Variants in TBC1D5 observed in about 807,000 individuals in gnomAD.
TBC1D5 encodes TBC1 domain family, member 5.
A neutral mutation model predicts 100.3 loss-of-function variants in TBC1D5; 75 were observed. The observed-to-expected ratio is 0.75, with a 90% confidence interval of 0.62 to 0.91. The LOEUF is 0.91. Ranked by LOEUF, TBC1D5 falls within the 40% of genes least tolerant of loss-of-function variation. The pLI is 0.00. For synonymous variants in TBC1D5, 323 were observed against 325.6 expected (o/e 0.99, Z 0.09); for missense variants, 910 against 942.4 (o/e 0.97, Z 0.45).
At chr3:17,367,161 T>C (rs1454619550) in intron 13 of TBC1D5, among the ~76,000 whole-genome samples, 4 of 152,320 alleles carry the variant, frequency 2.6e-5, no homozygotes, top group Non-Finnish European at 5.9e-5. Context: ...TTAAAAGTGA[T>C]AATAAAACAG....
At chr3:17,701,382 G>A (rs1389699769) in intron 1 of TBC1D5, among the ~76,000 whole-genome samples, 4 of 152,108 alleles carry the variant, frequency 2.6e-5, no homozygotes, top group Admixed American at 6.5e-5. Flanking sequence ...TGTAAATGAC[G>A]AGCTGATGGG....
chr3:17,258,250 T>C (rs1250605385), intron 16 of TBC1D5, among the ~76,000 whole-genome samples: 2 of 152,170 alleles, frequency 1.3e-5, no homozygotes, highest in Admixed American at 6.5e-5. Context: ...TGCAAGTTTA[T>C]TCATGTTAGA....
intron 16 of TBC1D5, among the ~76,000 whole-genome samples, chr3:17,243,420 C>T (rs761290988): frequency 1.6e-4 from 24 of 151,990 alleles, no homozygotes; most frequent in South Asian, 6.2e-4. Context: ...GTGACAGATA[C>T]GCTAATTATT....
intron 1 of TBC1D5, among the ~76,000 whole-genome samples, chr3:17,686,780 C>T (rs1304160152): frequency 6.6e-6 from 1 of 152,068 alleles, no homozygotes. Flanking sequence ...TTTGGCAATG[C>T]GTGGAGGCAT....
In TBC1D5 at chr3:17,403,115, T is replaced by C. The variant is rs183115801; in HGVS notation, c.509+66A>G. On this transcript the variant is annotated intron_variant, in intron 8 of 21. Transcript: ENST00000253692. ...AGTTGACTGCAGATTTTGTGTTTTG[T>C]TAAAATTAGAAAGAGATAACAACAA... 7 of 1,381,388 alleles carry C rather than the reference T, an allele frequency of 5.1e-6. No homozygotes were observed. In the East Asian group the frequency reaches 1.8e-4, roughly 36 times the overall value. The allele number at this position is 1,381,388 out of a possible 1,614,324, so 85.6% of individuals were successfully genotyped here.
intron 1 of TBC1D5, among the ~76,000 whole-genome samples, chr3:17,713,669 T>A (rs763814007): frequency 1.3e-5 from 2 of 151,298 alleles, no homozygotes; most frequent in African/African-American, 4.9e-5. Context: ...TATAAAGAAC[T>A]CTTAAAATTC....
intron 15 of TBC1D5, among the ~76,000 whole-genome samples, chr3:17,274,567 T>C (rs112223298): frequency 0.012 from 1,767 of 152,304 alleles, 34 homozygotes; most frequent in African/African-American, 0.04. Flanking sequence ...GCTGGAAAGA[T>C]GAGGGTTTAC....
At chr3:17,677,037 T>A (rs143322683) in intron 1 of TBC1D5, among the ~76,000 whole-genome samples, 86,738 of 151,688 alleles carry the variant, frequency 0.57, 25,611 homozygotes, top group East Asian at 0.99. Flanking sequence ...TAGACCTAAA[T>A]CCATAAAAAC....
At chr3:17,665,818 T>G (rs868837459) in intron 1 of TBC1D5, among the ~76,000 whole-genome samples, 1 of 152,240 alleles carries the variant, frequency 6.6e-6, no homozygotes. Flanking sequence ...TTATTTCCCC[T>G]AGCTCCAATT....
At chr3:17,676,792 A>C (rs1252339500) in intron 1 of TBC1D5, among the ~76,000 whole-genome samples, 1 of 152,230 alleles carries the variant, frequency 6.6e-6, no homozygotes, top group Non-Finnish European at 1.5e-5. Flanking sequence ...TGGTACTGGT[A>C]CCAAAACAGA....
rs2063733914 is a variant in TBC1D5 at position 17,634,415 on chromosome 3, C to T, written c.-100-10502G>A. Among the ~76,000 whole-genome samples, 4 of 152,086 alleles carry T rather than the reference C, an allele frequency of 2.6e-5. No homozygotes were observed. In the South Asian group the frequency reaches 8.3e-4, roughly 32 times the overall value. Reference sequence around the variant, plus strand: ...CCACAAAAAAAGAATGAGATCCTATCATCTGGAACAACATGGGTGGAACTG... The same window carrying T: ...CCACAAAAAAAGAATGAGATCCTATTATCTGGAACAACATGGGTGGAACTG... On this transcript the variant is annotated intron_variant, in intron 1 of 21. Transcript: ENST00000253692.
At chr3:17,312,645 C>G (rs1343568449) in intron 13 of TBC1D5, among the ~76,000 whole-genome samples, 1 of 152,176 alleles carries the variant, frequency 6.6e-6, no homozygotes, top group Non-Finnish European at 1.5e-5. Context: ...GGAAAATTCT[C>G]TCTTCCTTTC....
intron 1 of TBC1D5, among the ~76,000 whole-genome samples, chr3:17,646,628 T>C (rs1366351502): frequency 6.6e-6 from 1 of 152,150 alleles, no homozygotes; most frequent in African/African-American, 2.4e-5. Flanking sequence ...ATCATGCCCC[T>C]GGACTAATGT....
At chr3:17,585,008 C>T (rs892054130) in intron 2 of TBC1D5, among the ~76,000 whole-genome samples, 1 of 152,020 alleles carries the variant, frequency 6.6e-6, no homozygotes, top group Non-Finnish European at 1.5e-5. Context: ...CTAGACTGGT[C>T]TCCAACTCTT....
At chr3:17,404,457 C>T (rs371735800) in intron 7 of TBC1D5, among the ~76,000 whole-genome samples, 1 of 152,018 alleles carries the variant, frequency 6.6e-6, no homozygotes, top group Non-Finnish European at 1.5e-5. Context: ...TTAGTTCTTA[C>T]AGAATCCCGA....
intron 16 of TBC1D5, among the ~76,000 whole-genome samples, chr3:17,245,527 G>A (rs148140953): frequency 3.0e-4 from 45 of 152,226 alleles, no homozygotes; most frequent in African/African-American, 9.9e-4. Context: ...GCAAACTTTC[G>A]TCTATATGAT....
intron 1 of TBC1D5, among the ~76,000 whole-genome samples, chr3:17,704,649 G>T (rs1364278789): frequency 1.4e-5 from 1 of 73,468 alleles, no homozygotes; most frequent in Non-Finnish European, 2.8e-5. Flanking sequence ...CAGGCGGGGG[G>T]CCGACCCCCC....
intron 18 of TBC1D5, among the ~76,000 whole-genome samples, chr3:17,202,583 C>T (rs1194870131): frequency 6.6e-6 from 1 of 152,220 alleles, no homozygotes; most frequent in Admixed American, 6.5e-5. Flanking sequence ...CCATCACAGG[C>T]CTAGAGGCCT....
intron 18 of TBC1D5, among the ~76,000 whole-genome samples, chr3:17,191,603 T>TA: frequency 6.6e-6 from 1 of 152,112 alleles, no homozygotes; most frequent in East Asian, 1.9e-4. Flanking sequence ...AACAGTATGC[T>TA]ATGCAAACCT....
Sources: allele counts gnomAD v4.1 joint callset (sites outside exome capture counted in the v4.1 genomes callset), GRCh38; gene constraint gnomAD v4.1.1; transcripts MANE v1.5; gene names NCBI Gene and HGNC (gene_info 2026-07-23, HGNC 2026-07-21).